DOK5: variants seen among roughly 807,000 people sequenced by gnomAD.
DOK5 encodes the protein docking protein 5.
DOK5 carries 27 observed loss-of-function variants against 43.3 expected under a neutral mutation model. That is an observed-to-expected ratio of 0.62 (90% CI 0.46 to 0.86). The LOEUF is 0.86. DOK5 is among the 40% of genes least tolerant of loss of function. DOK5 has a pLI of 0.00. For missense variants in DOK5, 373 were observed against 392.9 expected, an observed-to-expected ratio of 0.95 and a Z score of 0.43; for synonymous variants, 146 against 140.1, an observed-to-expected ratio of 1.04 and a Z score of -0.30.
chr20:54,538,640 A>C (rs1276961653), intron 1 of DOK5, among the ~76,000 whole-genome samples: 1 of 152,214 alleles, frequency 6.6e-6, no homozygotes, highest in South Asian at 2.1e-4. Context: ...ATTGTCTTCT[A>C]TGTTTCTAAC....
chr20:54,507,860 G>A (rs1053576456), intron 1 of DOK5, among the ~76,000 whole-genome samples: 3 of 152,230 alleles, frequency 2.0e-5, no homozygotes, highest in Non-Finnish European at 2.9e-5. Flanking sequence ...TTTGGGGCCA[G>A]TTCTGGTAGG....
At chr20:54,550,271 AT>A (rs1984482911) in intron 1 of DOK5, among the ~76,000 whole-genome samples, 1 of 152,170 alleles carries the variant, frequency 6.6e-6, no homozygotes, top group Non-Finnish European at 1.5e-5. Flanking sequence ...ATATCTGTAC[AT>A]CTTACTGTCT....
chr20:54,543,571 ATG>A (rs1017912567), intron 1 of DOK5, among the ~76,000 whole-genome samples: 5 of 119,656 alleles, frequency 4.2e-5, no homozygotes, highest in Admixed American at 1.7e-4. Flanking sequence ...GTGTGTGTGT[ATG>A]TGTGTGTGTG....
chr20:54,485,367 A>G (rs1981891821), intron 1 of DOK5, among the ~76,000 whole-genome samples: 1 of 152,080 alleles, frequency 6.6e-6, no homozygotes, highest in South Asian at 2.1e-4. Context: ...AAAAAAAAAA[A>G]AAAGAATGTA....
intron 1 of DOK5, among the ~76,000 whole-genome samples, chr20:54,479,893 C>A (rs1981598478): frequency 6.6e-6 from 1 of 152,050 alleles, no homozygotes; most frequent in Admixed American, 6.6e-5. Flanking sequence ...CTCCCCTCAT[C>A]TCCCACCCCT....
At chr20:54,646,732 C>T (rs148123597) in intron 7 of DOK5, among the ~76,000 whole-genome samples, 8 of 152,136 alleles carry the variant, frequency 5.3e-5, no homozygotes, top group Admixed American at 5.2e-4. Flanking sequence ...ACTTTTCATA[C>T]CCCTTAGAAA....
intron 2 of DOK5, among the ~76,000 whole-genome samples, chr20:54,580,828 G>T (rs1293015738): frequency 6.6e-6 from 1 of 152,012 alleles, no homozygotes; most frequent in Non-Finnish European, 1.5e-5. Context: ...GCTATAGGTT[G>T]CCTTTTCACT....
chr20:54,613,125 A>G (rs984060293), intron 6 of DOK5, among the ~76,000 whole-genome samples: 2 of 152,120 alleles, frequency 1.3e-5, no homozygotes, highest in Non-Finnish European at 2.9e-5. Context: ...GATCCTAGCA[A>G]TGGCTGATGA....
At chr20:54,621,599 G>T (rs867971847) in intron 6 of DOK5, among the ~76,000 whole-genome samples, 14 of 151,428 alleles carry the variant, frequency 9.2e-5, no homozygotes, top group Non-Finnish European at 1.9e-4. Context: ...TGAGGCAGGA[G>T]AATCGCTTGA....
At chr20:54,623,929 A>G (rs1287351930) in intron 6 of DOK5, among the ~76,000 whole-genome samples, 2 of 152,192 alleles carry the variant, frequency 1.3e-5, no homozygotes, top group Non-Finnish European at 2.9e-5. Flanking sequence ...GCGAGGAGAA[A>G]GAGACTCACC....
rs374565196 is a variant in DOK5, at chr20:54,498,369, TA to T, written c.66+22360del. On this transcript the variant is annotated intron_variant, in intron 1 of 7. Coordinates refer to ENST00000262593, the MANE Select transcript of DOK5 (RefSeq NM_018431.5). ...CTCCCATTGTCATAAATTAGAGGAT[TA>T]AATTGTCTTATTTCATATCCTACTA... 4.0e-3 allele frequency among the ~76,000 whole-genome samples: 613 copies of T among 152,354 alleles called. 4 individuals carry two copies. The highest frequency in any genetic ancestry group is 0.014 in the African/African-American group (582 of 41,580).
intron 6 of DOK5, among the ~76,000 whole-genome samples, chr20:54,611,372 G>T (rs1022519933): frequency 2.0e-5 from 3 of 152,046 alleles, no homozygotes; most frequent in Non-Finnish European, 4.4e-5. Context: ...GACCAGCCTG[G>T]ACAACATGGG....
intron 1 of DOK5, among the ~76,000 whole-genome samples, chr20:54,552,989 C>G (rs1162161309): frequency 6.6e-6 from 1 of 152,110 alleles, no homozygotes; most frequent in East Asian, 1.9e-4. Flanking sequence ...TTTATGTAGA[C>G]TTTGTTTTGT....
At chr20:54,514,653 TGGAGAAAA>T in intron 1 of DOK5, among the ~76,000 whole-genome samples, 1 of 148,528 alleles carries the variant, frequency 6.7e-6, no homozygotes, top group Middle Eastern at 3.3e-3. Flanking sequence ...GATGGCTTCA[TGGAGAAAA>T]GGAGGAGGAA....
At chr20:54,627,854 A>G (rs1978371856) in intron 6 of DOK5, among the ~76,000 whole-genome samples, 1 of 152,182 alleles carries the variant, frequency 6.6e-6, no homozygotes, top group African/African-American at 2.4e-5. Flanking sequence ...TCTGGAGTGA[A>G]TTTCAGGATC....
In DOK5 at chr20:54,646,785, G is replaced by GGC. The variant is rs1979452109; in HGVS notation, c.856+3208_856+3209insCG. Among the ~76,000 whole-genome samples the GGC allele has an allele frequency of 9.9e-5, 15 of 152,156 alleles. No homozygotes were observed. In the South Asian group the frequency reaches 3.1e-3, roughly 32 times the overall value. ...AAAAGTTAATGACTTGGGGGCCTGG[G>GGC]GTGTGCCATATGATGAAGTTACAGA... On this transcript the variant is annotated intron_variant, in intron 7 of 7. Transcript: ENST00000262593.
At chr20:54,574,003 A>G (rs1318345994) in intron 2 of DOK5, among the ~76,000 whole-genome samples, 2 of 152,216 alleles carry the variant, frequency 1.3e-5, no homozygotes, top group Non-Finnish European at 2.9e-5. Context: ...TTTTTCAGGC[A>G]GTGCCATCCA....
intron 6 of DOK5, among the ~76,000 whole-genome samples, chr20:54,617,566 C>A (rs6023415): frequency 2.6e-5 from 4 of 152,084 alleles, no homozygotes; most frequent in Non-Finnish European, 5.9e-5. Flanking sequence ...TTTAAGCAAA[C>A]CTTTTTCCTC....
chr20:54,613,505 C>T (rs771100405), intron 6 of DOK5, among the ~76,000 whole-genome samples: 2 of 152,108 alleles, frequency 1.3e-5, no homozygotes, highest in African/African-American at 4.8e-5. Context: ...CAAGAACATA[C>T]CTGTTTCTCA....
Sources: gnomAD v4.1 joint callset for allele counts (sites outside exome capture counted in the v4.1 genomes callset) on GRCh38, gnomAD v4.1.1 for gene constraint, MANE v1.5 for transcripts, NCBI Gene and HGNC (gene_info 2026-07-23, HGNC 2026-07-21) for gene names.